The following ZSCAN18 variants were observed in gnomAD, a reference collection of about 807,000 sequenced individuals.
The protein encoded by ZSCAN18 is zinc finger and SCAN domain-containing protein 18.
A neutral mutation model predicts 31.1 loss-of-function variants in ZSCAN18; 16 were observed. That is an observed-to-expected ratio of 0.51 (90% CI 0.35 to 0.78). The LOEUF (loss-of-function observed/expected upper bound fraction) is 0.78. Ranked by LOEUF, ZSCAN18 falls within the 30% of genes least tolerant of loss-of-function variation. The pLI, the probability that ZSCAN18 is intolerant of heterozygous loss-of-function variation, is 0.01. For missense variants in ZSCAN18, 731 were observed against 697.4 expected, an observed-to-expected ratio of 1.05 and a Z score of -0.54; for synonymous variants, 375 against 320.7, an observed-to-expected ratio of 1.17 and a Z score of -1.81.
Position 58,088,757 on chromosome 19 carries a change from G to A in ZSCAN18, c.484C>T (p.Leu162=), listed in dbSNP as rs567697181. ...CTGGGGCTCGCGAGCTCGCCTGGTA[G>A]CAGCAGAGGGTCCATGTGCCTCTCG... ...VYERHMDPLL[L]PGELASPSQA... Residue 162 remains leucine (L), a synonymous_variant, in exon 3 of 7, where the codon CTA becomes TTA. Coordinates refer to ENST00000601144, the MANE Select transcript of ZSCAN18 (RefSeq NM_001145543.2). The A allele has an allele frequency of 2.2e-5, 35 of 1,610,168 alleles. No individual in the cohort carries two copies. The South Asian group carries it at 3.2e-4, about 15-fold the overall frequency.
chr19:58,101,628 T>C (rs1318361394), upstream of ZSCAN18, among the ~76,000 whole-genome samples: 1 of 151,776 alleles, frequency 6.6e-6, no homozygotes, highest in Admixed American at 6.6e-5. Flanking sequence ...CAAGTGGTTC[T>C]TCTGCCTCAG....
At chr19:58,106,112 G>A (rs2547295) in intron 1 of ZSCAN18, among the ~76,000 whole-genome samples, 115,900 of 152,172 alleles carry the variant, frequency 0.76, 44,855 homozygotes, top group Non-Finnish European at 0.85. Context: ...GCCATTAAGA[G>A]CATTCTAGGC....
chr19:58,108,347 T>C, intron 1 of ZSCAN18: 1 of 985,470 alleles, frequency 1.0e-6, no homozygotes, highest in Non-Finnish European at 1.2e-6. Flanking sequence ...ATTCGAATAG[T>C]TTTTCCACAG....
intron 2 of ZSCAN18, 60 bp downstream of exon 2, chr19:58,089,805 G>A: frequency 6.5e-7 from 1 of 1,532,306 alleles, no homozygotes; most frequent in East Asian, 2.3e-5. Flanking sequence ...TGGCACTGGG[G>A]CCTTCCAGGA....
At chr19:58,102,789 T>C (rs2112825), upstream of ZSCAN18, among the ~76,000 whole-genome samples, 22,850 of 152,146 alleles carry the variant, frequency 0.15, 1,688 homozygotes, top group Admixed American at 0.19. Flanking sequence ...TCTTATTTCA[T>C]TGATTCCAAG....
intron 1 of ZSCAN18, among the ~76,000 whole-genome samples, chr19:58,104,848 C>G (rs758587848): frequency 9.9e-5 from 15 of 152,194 alleles, no homozygotes; most frequent in Admixed American, 3.9e-4. Flanking sequence ...GAAGCTGCAG[C>G]AAGTTCTCCA....
upstream of ZSCAN18, among the ~76,000 whole-genome samples, chr19:58,102,979 G>A (rs370901719): frequency 6.6e-6 from 1 of 151,998 alleles, no homozygotes; most frequent in Non-Finnish European, 1.5e-5. Context: ...GAAATTAGCT[G>A]GGTGTGGTGG....
upstream of ZSCAN18, among the ~76,000 whole-genome samples, chr19:58,101,429 A>G (rs2074593694): frequency 1.3e-5 from 2 of 149,424 alleles, no homozygotes; most frequent in African/African-American, 2.5e-5. Flanking sequence ...GATTACAGGC[A>G]TGAGCCACTG....
intron 1 of ZSCAN18, among the ~76,000 whole-genome samples, chr19:58,105,454 G>A (rs1309128691): frequency 6.6e-6 from 1 of 152,144 alleles, no homozygotes; most frequent in African/African-American, 2.4e-5. Flanking sequence ...GAGGTCAGGA[G>A]ATCGAGACCA....
At position 58,090,252 on chromosome 19, in the gene ZSCAN18, T is replaced by A; in HGVS notation, c.16A>T (p.Lys6Ter). 1.2e-6 allele frequency: 2 copies of A among 1,613,414 alleles called. No individual in the cohort carries two copies. The highest frequency in any genetic ancestry group is 1.7e-6 in the Non-Finnish European group (2 of 1,180,006). ...GAGCTCCTGGGGGAGGCAAACGCCT[T>A]CTCCAAAGGCAACATCTTTCCAAAA... MLPLE[K>*]AFASPRSSPA... Residue 6 changes from lysine (K) to a stop codon, truncating the protein, a stop_gained, in exon 2 of 7, where the codon AAG (lysine) becomes TAG (stop). Transcript: ENST00000601144. LOFTEE classifies it high-confidence loss of function. This position sits in a 1 kb window ranked among gnomAD's most constrained non-coding sequence, Gnocchi z 4.7.
At chr19:58,091,844 C>G (rs541251399) in intron 1 of ZSCAN18, among the ~76,000 whole-genome samples, 3 of 152,142 alleles carry the variant, frequency 2.0e-5, no homozygotes, top group Non-Finnish European at 4.4e-5. Flanking sequence ...TGAAGGTCCA[C>G]AGAGACAGCT....
In ZSCAN18 at chr19:58,084,799, G is replaced by T; in HGVS notation, c.1419C>A (p.Gly473=). The T allele has an allele frequency of 6.3e-7, 1 of 1,578,448 alleles. No homozygotes were observed. Among genetic ancestry groups the T allele is most frequent in the Non-Finnish European group, 8.6e-7 (1 of 1,167,886 alleles). Residue 473 remains glycine (G), a synonymous_variant, in exon 7 of 7, where the codon GGC becomes GGA. Transcript: ENST00000601144. The surrounding 1 kb of genome is among the most constrained non-coding windows in gnomAD (Gnocchi z 4.5). ...HEKEKSYALG[G]ARGPQPSTRE... ...GGGTGGACGGTTGGGGGCCCCGGGC[G>T]CCCCCCAGCGCGTAGCTTTTCTCCT...
chr19:58,102,822 T>C (rs2074606216), upstream of ZSCAN18, among the ~76,000 whole-genome samples: 1 of 152,162 alleles, frequency 6.6e-6, no homozygotes, highest in South Asian at 2.1e-4. Context: ...AACATGTACA[T>C]TTTATGTGCT....
chr19:58,101,125 C>CTTTT (rs71188077), upstream of ZSCAN18, among the ~76,000 whole-genome samples: 7 of 127,336 alleles, frequency 5.5e-5, no homozygotes, highest in East Asian at 2.3e-4. Context: ...ATTCCTCCCA[C>CTTTT]TTTTTTTTTT....
At chr19:58,101,445 G>A (rs975270937), upstream of ZSCAN18, among the ~76,000 whole-genome samples, 15 of 149,542 alleles carry the variant, frequency 1.0e-4, no homozygotes, top group Admixed American at 1.3e-4. Flanking sequence ...CACTGCGCCC[G>A]GCCACTTTTT....
At chr19:58,094,392 CAG>C (rs1176146731) in intron 1 of ZSCAN18, among the ~76,000 whole-genome samples, 2 of 148,972 alleles carry the variant, frequency 1.3e-5, no homozygotes, top group Non-Finnish European at 3.0e-5. Flanking sequence ...GCCTGAGCGA[CAG>C]AGTGAGACTC....
At chr19:58,093,019 C>T (rs771163387) in intron 1 of ZSCAN18, among the ~76,000 whole-genome samples, 11 of 152,120 alleles carry the variant, frequency 7.2e-5, no homozygotes, top group Non-Finnish European at 1.3e-4. Flanking sequence ...TCAAGGGATA[C>T]GCCTGCCTGG....
intron 1 of ZSCAN18, among the ~76,000 whole-genome samples, chr19:58,094,661 T>A (rs1170050722): frequency 6.6e-6 from 1 of 151,760 alleles, no homozygotes; most frequent in Non-Finnish European, 1.5e-5. Flanking sequence ...GTGGACAGCT[T>A]GAGCCCAGGA....
chr19:58,098,466 A>G (rs2074564276), upstream of ZSCAN18: 2 of 739,072 alleles, frequency 2.7e-6, no homozygotes, highest in Non-Finnish European at 3.3e-6. Flanking sequence ...CCTGACAGCC[A>G]GAGACCCGGA....
Sources: gnomAD v4.1 joint callset for allele counts (sites outside exome capture counted in the v4.1 genomes callset) on GRCh38, gnomAD v4.1.1 for gene constraint, Gnocchi (gnomAD v3.1) non-coding constraint, MANE v1.5 for transcripts, NCBI Gene and HGNC (gene_info 2026-07-23, HGNC 2026-07-21) for gene names.